The following TRPM7 variants were observed in gnomAD, a reference collection of about 807,000 sequenced individuals.
The protein encoded by TRPM7 is transient receptor potential cation channel subfamily M member 7.
Under a neutral mutation model 229.7 loss-of-function variants are expected in TRPM7, and 134 were observed. That is an observed-to-expected ratio of 0.58 (90% CI 0.51 to 0.67). TRPM7 has a LOEUF of 0.67. Among genes scored for constraint, TRPM7 ranks in the 30% least tolerant of loss-of-function variants. TRPM7 has a pLI of 0.00. For synonymous variants in TRPM7, 699 were observed against 715.2 expected (o/e 0.98, Z 0.36); for missense variants, 1,901 against 2,210.0 (o/e 0.86, Z 2.80).
intron 1 of TRPM7, among the ~76,000 whole-genome samples, chr15:50,666,454 G>A (rs1352882983): frequency 6.6e-6 from 1 of 151,834 alleles, no homozygotes; most frequent in Non-Finnish European, 1.5e-5. Context: ...AGGTAGAAGG[G>A]AGAAAGAAGA....
In TRPM7 at chr15:50,609,687, T is replaced by A; in HGVS notation, c.2474A>T (p.Glu825Val). 1 of 1,607,384 alleles carries A rather than the reference T, an allele frequency of 6.2e-7. No homozygotes were observed. Among genetic ancestry groups the A allele is most frequent in the Non-Finnish European group, 8.5e-7 (1 of 1,177,332 alleles). ...FKEVRILDSNEGKNEMEIQMK... is the reference protein window; with the variant it reads ...FKEVRILDSNVGKNEMEIQMK... ...TTGTATCTCCATCTCATTCTTTCCTTCATTACTATCCAAAATCCGTACTTC... is the reference window on the plus strand; with the variant it reads ...TTGTATCTCCATCTCATTCTTTCCTACATTACTATCCAAAATCCGTACTTC... The change falls in exon 19 of 39, where the codon GAA becomes GTA. Residue 825 changes from glutamate (E) to valine (V), a missense_variant. Glu to Val is a moderately radical substitution (Grantham distance 121). This residue lies in a region of TRPM7 where 207 missense variants were observed against 241.5 expected (regional missense o/e 0.86). Transcript: ENST00000646667.
At chr15:50,623,408 C>CAA (rs71910502) in intron 12 of TRPM7, among the ~76,000 whole-genome samples, 3,839 of 118,996 alleles carry the variant, frequency 0.032, 173 homozygotes, top group African/African-American at 0.13. Flanking sequence ...GAGATTCTGT[C>CAA]AAAAAAAAAA....
intron 4 of TRPM7, among the ~76,000 whole-genome samples, chr15:50,645,877 G>A (rs1471739225): frequency 6.6e-6 from 1 of 152,034 alleles, no homozygotes; most frequent in Non-Finnish European, 1.5e-5. Context: ...GCAGGTGGCC[G>A]GGCATGGTGG....
At chr15:50,667,001 T>C (rs2061900123) in intron 1 of TRPM7, among the ~76,000 whole-genome samples, 1 of 152,274 alleles carries the variant, frequency 6.6e-6, no homozygotes, top group Middle Eastern at 3.4e-3. Context: ...TTGCACAAGA[T>C]CCAGGAACCT....
At chr15:50,630,609 A>G (rs1177931744) in intron 10 of TRPM7, among the ~76,000 whole-genome samples, 5 of 152,186 alleles carry the variant, frequency 3.3e-5, no homozygotes, top group African/African-American at 1.2e-4. Flanking sequence ...TTAAAATCCT[A>G]TCTTTATATT....
At chr15:50,615,870 T>C (rs377575777) in intron 13 of TRPM7, among the ~76,000 whole-genome samples, 2 of 152,186 alleles carry the variant, frequency 1.3e-5, no homozygotes, top group Admixed American at 6.5e-5. Flanking sequence ...CACTCTAGCA[T>C]GGGCAACAAA....
At chr15:50,571,174 A>C (rs747985530) in intron 36 of TRPM7, among the ~76,000 whole-genome samples, 1 of 152,256 alleles carries the variant, frequency 6.6e-6, no homozygotes, top group Non-Finnish European at 1.5e-5. Context: ...GAAAAACCAG[A>C]ATTAAAACAC....
intron 26 of TRPM7, among the ~76,000 whole-genome samples, chr15:50,591,076 CTTATT>C (rs2059478526): frequency 1.3e-5 from 2 of 151,626 alleles, no homozygotes; most frequent in African/African-American, 4.9e-5. Context: ...TTGTTCTTAT[CTTATT>C]TAAGCTATCA....
rs2053726574 is a variant in TRPM7, at chr15:50,568,665, C to T, written c.5467+1222G>A. On this transcript the variant is annotated intron_variant, in intron 38 of 38. Coordinates refer to ENST00000646667, the MANE Select transcript of TRPM7 (RefSeq NM_017672.6). ...CTTAACTATTACAATACTGGGCATA[C>T]GAAGTGGGACTTTCAAAAATACACA... Among the ~76,000 whole-genome samples the T allele has an allele frequency of 2.0e-5, 3 of 152,072 alleles. 1 individual carries two copies. The highest frequency in any genetic ancestry group is 4.1e-4 in the South Asian group (2 of 4,824).
intron 5 of TRPM7, among the ~76,000 whole-genome samples, chr15:50,640,085 C>T (rs2140749725): frequency 6.6e-6 from 1 of 152,178 alleles, no homozygotes; most frequent in South Asian, 2.1e-4. Context: ...TGCATTTCTC[C>T]TCTAAGTAAC....
intron 23 of TRPM7, 49 bp from the exon 24 acceptor site, chr15:50,594,662 T>A: frequency 8.0e-7 from 1 of 1,246,320 alleles, no homozygotes; most frequent in Non-Finnish European, 1.1e-6. Context: ...AATCATCTCT[T>A]AAAGTTTTAA....
chr15:50,669,860 C>T (rs1363823251), intron 1 of TRPM7, among the ~76,000 whole-genome samples: 2 of 152,146 alleles, frequency 1.3e-5, no homozygotes. Context: ...TCAGCGATCC[C>T]TTATCAGCAT....
In TRPM7 at chr15:50,639,488, A is replaced by C; in HGVS notation, c.596T>G (p.Ile199Ser). 8 of 1,612,298 alleles carry C rather than the reference A, an allele frequency of 5.0e-6. No homozygotes were observed. The highest frequency in any genetic ancestry group is 6.8e-6 in the Non-Finnish European group (8 of 1,178,808). ...KEHASRSSRK[I>S]CTIGIAPWGV... ...CCATGGAGCTATTCCGATAGTGCAA[A>C]TCTTTCGAGATGATCTGGAAGCATG... is the stretch of plus-strand genomic sequence containing the variant. The change falls in exon 6 of 39, where the codon ATT becomes AGT. Residue 199 changes from isoleucine to serine, a missense_variant. Coordinates refer to ENST00000646667, the MANE Select transcript of TRPM7 (RefSeq NM_017672.6).
At chr15:50,615,810 C>T (rs1364922348) in intron 13 of TRPM7, among the ~76,000 whole-genome samples, 5 of 151,966 alleles carry the variant, frequency 3.3e-5, no homozygotes, top group Non-Finnish European at 7.4e-5. Flanking sequence ...GCAGAAGAAT[C>T]GCTTGAACCC....
Position 50,637,608 on chromosome 15 carries a change from A to G in TRPM7, c.661-15T>C, listed in dbSNP as rs1277976701. 1 of 1,605,574 alleles carries G rather than the reference A, an allele frequency of 6.2e-7. No individual in the cohort carries two copies. The highest frequency in any genetic ancestry group is 8.5e-7 in the Non-Finnish European group (1 of 1,176,604). On this transcript the variant is annotated splice_polypyrimidine_tract_variant and intron_variant, in intron 6 of 38. Transcript: ENST00000646667. ...GGAGCAACCACCTAAACAATAGCAA[A>G]CAAAAGAGTTAGTGAGCAGGATTAA... is the stretch of plus-strand genomic sequence containing the variant.
At chr15:50,612,057 T>C (rs983617930) in intron 16 of TRPM7, among the ~76,000 whole-genome samples, 1 of 152,222 alleles carries the variant, frequency 6.6e-6, no homozygotes, top group African/African-American at 2.4e-5. Flanking sequence ...TCTAATCCAA[T>C]TGCTACTATT....
intron 27 of TRPM7, chr15:50,588,269 T>A (rs2059394262): frequency 8.1e-6 from 8 of 982,828 alleles, no homozygotes; most frequent in Non-Finnish European, 9.7e-6. Context: ...GGTAAGAAAA[T>A]TATGCAACTA....
chr15:50,583,576 TTTTG>T (rs1333211658), intron 28 of TRPM7, among the ~76,000 whole-genome samples: 2 of 87,928 alleles, frequency 2.3e-5, no homozygotes, highest in South Asian at 3.4e-4. Context: ...AAGCTTAGAG[TTTTG>T]TTTTTTTTTT....
intron 25 of TRPM7, among the ~76,000 whole-genome samples, chr15:50,592,963 A>G (rs1169945698): frequency 6.6e-6 from 1 of 152,188 alleles, no homozygotes; most frequent in East Asian, 1.9e-4. Context: ...ACCAAACACC[A>G]TATGCTTCCA....
Sources: allele counts gnomAD v4.1 joint callset (sites outside exome capture counted in the v4.1 genomes callset), GRCh38; gene constraint gnomAD v4.1.1; regional missense constraint gnomAD v4.1.1; transcripts MANE v1.5; gene names NCBI Gene and HGNC (gene_info 2026-07-23, HGNC 2026-07-21).